The following SGCD variants were observed in gnomAD, a reference collection of about 807,000 sequenced individuals.
SGCD encodes delta-sarcoglycan.
Under a neutral mutation model 36.6 loss-of-function variants are expected in SGCD, and 18 were observed. The ratio of observed to expected loss-of-function variants is 0.49; its 90% confidence interval spans 0.34 to 0.73. SGCD has a LOEUF of 0.73. SGCD is among the 30% of genes least tolerant of loss of function. SGCD has a pLI of 0.01. For synonymous variants in SGCD, 133 were observed against 130.6 expected (o/e 1.02, Z -0.12); for missense variants, 387 against 346.7 (o/e 1.12, Z -0.92).
the SGCD span, among the ~76,000 whole-genome samples, chr5:155,728,113 C>T: frequency 2.6e-5 from 4 of 152,146 alleles, no homozygotes; most frequent in Admixed American, 6.5e-5. Context: ...AGGAGCCCCG[C>T]GCCTTCGGGA....
At chr5:155,738,310 C>T in the SGCD span, among the ~76,000 whole-genome samples, 2 of 152,220 alleles carry the variant, frequency 1.3e-5, no homozygotes. Flanking sequence ...AATGTGCCCT[C>T]ATCCCTGATC....
intron 1 of SGCD, among the ~76,000 whole-genome samples, chr5:155,890,134 G>A (rs1756090335): frequency 6.6e-6 from 1 of 152,134 alleles, no homozygotes. Flanking sequence ...TTGAGGCTTG[G>A]AAAGCCATGA....
chr5:155,965,703 T>C (rs1487703714), intron 1 of SGCD, among the ~76,000 whole-genome samples: 1 of 152,080 alleles, frequency 6.6e-6, no homozygotes, highest in East Asian at 1.9e-4. Flanking sequence ...AATGCAGTTG[T>C]GCAGGCTTGC....
chr5:155,872,614 T>C (rs1751132037), intron 1 of SGCD, among the ~76,000 whole-genome samples: 1 of 152,160 alleles, frequency 6.6e-6, no homozygotes, highest in South Asian at 2.1e-4. Flanking sequence ...GTACATTTCT[T>C]TTGCCATCTA....
rs140390574 is a variant in SGCD at position 155,942,943 on chromosome 5, G to A, written c.-282+72519G>A. Among the ~76,000 whole-genome samples, 55 of 152,264 alleles carry A rather than the reference G, an allele frequency of 3.6e-4. 1 individual carries two copies. In the East Asian group the frequency reaches 0.011, roughly 29 times the overall value. On this transcript the variant is annotated intron_variant, in intron 1 of 9. Coordinates refer to the SGCD transcript ENST00000517913. ...AGTCATCATAGTCTATGTTCTTCAT[G>A]AACATTCCATAATGCCTCCTAGACT...
rs530242459 is a variant in SGCD at position 156,263,036 on chromosome 5, G to A, written c.-43-66498G>A. Among the ~76,000 whole-genome samples the A allele has an allele frequency of 4.6e-5, 7 of 151,930 alleles. No homozygotes were observed. In the South Asian group the frequency reaches 1.2e-3, roughly 27 times the overall value. On this transcript the variant is annotated intron_variant, in intron 3 of 9. Coordinates refer to the SGCD transcript ENST00000517913. ...TGGATGTTTCCATATTTTTGCAATT[G>A]TGAATTGCACTGCTATAAACATGGG... is the stretch of plus-strand genomic sequence containing the variant.
chr5:156,357,750 T>C (rs915806713), intron 3 of SGCD, among the ~76,000 whole-genome samples: 3 of 152,218 alleles, frequency 2.0e-5, no homozygotes, highest in African/African-American at 7.2e-5. Context: ...TTCTGTTTAT[T>C]GTAGAAACCT....
At chr5:155,807,906 A>G in the SGCD span, among the ~76,000 whole-genome samples, 4 of 152,234 alleles carry the variant, frequency 2.6e-5, no homozygotes, top group African/African-American at 9.6e-5. Flanking sequence ...GATACACTAC[A>G]AAGATAAATA....
intron 3 of SGCD, among the ~76,000 whole-genome samples, chr5:156,427,276 T>C (rs144992263): frequency 1.3e-5 from 2 of 152,278 alleles, no homozygotes; most frequent in African/African-American, 4.8e-5. Context: ...GTTAAGTATA[T>C]TCCTAAGTAT....
intron 3 of SGCD, among the ~76,000 whole-genome samples, chr5:156,182,596 C>CA (rs1243058710): frequency 2.6e-5 from 4 of 151,510 alleles, no homozygotes; most frequent in Admixed American, 6.6e-5. Flanking sequence ...GGCTCTGTGT[C>CA]AAAAAAAATA....
the SGCD span, among the ~76,000 whole-genome samples, chr5:155,742,498 G>A: frequency 2.6e-5 from 4 of 152,314 alleles, no homozygotes; most frequent in African/African-American, 7.2e-5. Flanking sequence ...TATACTGGAT[G>A]ATAGAGACAA....
At chr5:156,632,343 A>AG (rs56785833) in intron 6 of SGCD, among the ~76,000 whole-genome samples, 18,427 of 152,186 alleles carry the variant, frequency 0.12, 1,257 homozygotes, top group Non-Finnish European at 0.15. Context: ...CTGCAAAGCA[A>AG]TAAGTGTTCT....
At chr5:156,531,821 G>C (rs1393451812) in intron 4 of SGCD, among the ~76,000 whole-genome samples, 1 of 151,960 alleles carries the variant, frequency 6.6e-6, no homozygotes, top group African/African-American at 2.4e-5. Context: ...TAAATGTATG[G>C]ACATGGGCTA....
chr5:156,724,615 A>AG (rs1223214222), intron 7 of SGCD, among the ~76,000 whole-genome samples: 1 of 152,192 alleles, frequency 6.6e-6, no homozygotes, highest in African/African-American at 2.4e-5. Flanking sequence ...TCCAAAAAAA[A>AG]AAAAGAAAGA....
chr5:156,388,264 A>G (rs1771381689), intron 3 of SGCD, among the ~76,000 whole-genome samples: 1 of 152,142 alleles, frequency 6.6e-6, no homozygotes, highest in Non-Finnish European at 1.5e-5. Flanking sequence ...TTTTTTCTTA[A>G]AAAAGCCTCC....
In SGCD at chr5:156,592,262, G is replaced by A. The variant is rs1760753299; in HGVS notation, c.383-2670G>A. Among the ~76,000 whole-genome samples, 6 of 152,010 alleles carry A rather than the reference G, an allele frequency of 3.9e-5. No homozygotes were observed. The South Asian group carries it at 1.2e-3, about 32-fold the overall frequency. On this transcript the variant is annotated intron_variant, in intron 5 of 8. Coordinates refer to ENST00000337851, the MANE Select transcript of SGCD (RefSeq NM_000337.6). ...TGAATGGAACAAAAATGGGCAAACT[G>A]CTCGCCCTGTGCCCATCCTGAGGTC...
chr5:156,575,719 C>A (rs1759914454), intron 4 of SGCD, among the ~76,000 whole-genome samples: 1 of 151,800 alleles, frequency 6.6e-6, no homozygotes, highest in African/African-American at 2.4e-5. Flanking sequence ...AGTAGCATTC[C>A]CTAAAATGGG....
At chr5:156,451,559 C>T (rs1371820420) in intron 3 of SGCD, among the ~76,000 whole-genome samples, 1 of 152,078 alleles carries the variant, frequency 6.6e-6, no homozygotes, top group Non-Finnish European at 1.5e-5. Context: ...GAGATGATAG[C>T]CTTGAAATTG....
intron 1 of SGCD, among the ~76,000 whole-genome samples, chr5:155,964,137 T>C (rs1757850598): frequency 6.6e-6 from 1 of 152,156 alleles, no homozygotes; most frequent in Non-Finnish European, 1.5e-5. Context: ...CTTAAGACAG[T>C]TGGATGTTTT....
Sources: allele counts gnomAD v4.1 joint callset (sites outside exome capture counted in the v4.1 genomes callset), GRCh38; gene constraint gnomAD v4.1.1; transcripts MANE v1.5; gene names NCBI Gene and HGNC (gene_info 2026-07-23, HGNC 2026-07-21).